ZBTB20: variants seen among roughly 807,000 people sequenced by gnomAD.
The protein encoded by ZBTB20 is zinc finger and BTB domain containing 20.
ZBTB20 carries 9 observed loss-of-function variants against 56.9 expected under a neutral mutation model. The ratio of observed to expected loss-of-function variants is 0.16; its 90% confidence interval spans 0.10 to 0.28. The LOEUF is 0.28. Among genes scored for constraint, ZBTB20 ranks in the 10% least tolerant of loss-of-function variants. The pLI, the probability that ZBTB20 is intolerant of heterozygous loss-of-function variation, is 1.00. For missense variants in ZBTB20, 655 were observed against 1,003.0 expected (o/e 0.65, Z 4.69); for synonymous variants, 417 against 420.7 (o/e 0.99, Z 0.11).
At chr3:114,816,158 C>T (rs1399768085) in intron 4 of ZBTB20, among the ~76,000 whole-genome samples, 10 of 152,140 alleles carry the variant, frequency 6.6e-5, no homozygotes, top group African/African-American at 1.7e-4. Flanking sequence ...ACAAAGTGGG[C>T]TCTGTTATAT....
At chr3:114,864,806 A>G (rs2075694671) in intron 4 of ZBTB20, among the ~76,000 whole-genome samples, 1 of 152,092 alleles carries the variant, frequency 6.6e-6, no homozygotes. Flanking sequence ...AATATATGCA[A>G]TTGGCTTACA....
chr3:114,668,280 G>C (rs1233884332), intron 6 of ZBTB20, among the ~76,000 whole-genome samples: 2 of 151,878 alleles, frequency 1.3e-5, no homozygotes, highest in Non-Finnish European at 2.9e-5. Flanking sequence ...TATGACGTTG[G>C]GCAAGCCACT....
At chr3:114,822,045 T>A (rs932203845) in intron 4 of ZBTB20, among the ~76,000 whole-genome samples, 4 of 152,082 alleles carry the variant, frequency 2.6e-5, no homozygotes, top group African/African-American at 9.7e-5. Context: ...GAAAAAAATC[T>A]CAGAAATATG....
intron 2 of ZBTB20, among the ~76,000 whole-genome samples, chr3:115,051,776 T>C (rs1396268955): frequency 6.6e-6 from 1 of 152,180 alleles, no homozygotes; most frequent in Non-Finnish European, 1.5e-5. Flanking sequence ...CTACCTCTGA[T>C]TGGGTAGTTT....
chr3:114,958,616 G>C (rs2077331818), intron 3 of ZBTB20, among the ~76,000 whole-genome samples: 2 of 152,152 alleles, frequency 1.3e-5, no homozygotes, highest in African/African-American at 4.8e-5. Context: ...GGGAGGCCAA[G>C]GCGAGCAGAT....
intron 2 of ZBTB20, among the ~76,000 whole-genome samples, chr3:115,036,446 T>A (rs2108369378): frequency 6.6e-6 from 1 of 151,792 alleles, no homozygotes; most frequent in Non-Finnish European, 1.5e-5. Context: ...ACTACAGTCT[T>A]GCTCTGTCAC....
In ZBTB20 at chr3:115,051,995, C is replaced by A. The variant is rs991646159; in HGVS notation, c.-507+19224G>T. Among the ~76,000 whole-genome samples, 32 of 151,876 alleles carry A rather than the reference C, an allele frequency of 2.1e-4. 1 individual carries two copies. Among genetic ancestry groups the A allele is most frequent in the Admixed American group, 1.6e-3 (24 of 15,246 alleles). Reference sequence around the variant, plus strand: ...CACTCACTATCATGAGAACAGCAAGCGGGAAATTTGCACCCATGATCTGAT... The same window carrying A: ...CACTCACTATCATGAGAACAGCAAGAGGGAAATTTGCACCCATGATCTGAT... On this transcript the variant is annotated intron_variant, in intron 2 of 11. Coordinates refer to ENST00000675478, the MANE Select transcript of ZBTB20 (RefSeq NM_001348800.3).
chr3:114,965,444 T>A (rs1444756349), intron 3 of ZBTB20, among the ~76,000 whole-genome samples: 1 of 152,090 alleles, frequency 6.6e-6, no homozygotes, highest in Admixed American at 6.6e-5. Flanking sequence ...AGCTCCCCAG[T>A]CTCTCATCCC....
chr3:114,696,825 AAGAG>A (rs2063057938), intron 5 of ZBTB20, among the ~76,000 whole-genome samples: 1 of 152,028 alleles, frequency 6.6e-6, no homozygotes, highest in Non-Finnish European at 1.5e-5. Flanking sequence ...GAGAGAGAGA[AAGAG>A]AGAGATTTAT....
chr3:115,089,524 T>C (rs933900999), intron 1 of ZBTB20, among the ~76,000 whole-genome samples: 2 of 151,868 alleles, frequency 1.3e-5, no homozygotes, highest in African/African-American at 2.4e-5. Flanking sequence ...ACAATTATGA[T>C]AGCATGTCAG....
At chr3:114,384,184 C>G (rs1318961279) in intron 8 of ZBTB20, among the ~76,000 whole-genome samples, 1 of 148,346 alleles carries the variant, frequency 6.7e-6, no homozygotes, top group African/African-American at 2.6e-5. Context: ...CCCCTTCCTC[C>G]TCTCTCTCTG....
intron 8 of ZBTB20, chr3:114,387,871 AC>A (rs991856212): frequency 6.6e-5 from 10 of 152,216 alleles, no homozygotes. Flanking sequence ...GTACTATAGA[AC>A]ACATTCCCCT....
chr3:114,583,683 C>T (rs564151443), intron 6 of ZBTB20, among the ~76,000 whole-genome samples: 2 of 152,244 alleles, frequency 1.3e-5, no homozygotes, highest in South Asian at 2.1e-4. Flanking sequence ...AGGTTCCTTA[C>T]CCTATGCAAA....
intron 7 of ZBTB20, among the ~76,000 whole-genome samples, chr3:114,493,826 G>A (rs1009936787): frequency 3.9e-5 from 6 of 152,150 alleles, no homozygotes; most frequent in African/African-American, 1.4e-4. Context: ...CATTTGCTTA[G>A]TATCTGTCTT....
At chr3:114,356,341 G>A (rs181236770) in intron 10 of ZBTB20, among the ~76,000 whole-genome samples, 7 of 152,262 alleles carry the variant, frequency 4.6e-5, no homozygotes. Flanking sequence ...AAGAGAAAAT[G>A]AGCAAGAAAG....
chr3:114,365,664 G>A (rs1307007627), intron 10 of ZBTB20, among the ~76,000 whole-genome samples: 1 of 152,184 alleles, frequency 6.6e-6, no homozygotes, highest in Non-Finnish European at 1.5e-5. Context: ...GGAGGTGGGA[G>A]TGGGAAAACC....
chr3:114,600,846 C>G (rs1346377714), intron 6 of ZBTB20, among the ~76,000 whole-genome samples: 3 of 151,990 alleles, frequency 2.0e-5, no homozygotes, highest in Admixed American at 1.3e-4. Context: ...TATCATGTTA[C>G]TAACTGAGGC....
At chr3:114,647,122 C>A (rs60561320) in intron 6 of ZBTB20, among the ~76,000 whole-genome samples, 110 of 152,134 alleles carry the variant, frequency 7.2e-4, no homozygotes, top group African/African-American at 2.6e-3. Flanking sequence ...CCACGCCCAG[C>A]TAATTTTTTG....
At chr3:114,463,256 T>C (rs1343573860) in intron 7 of ZBTB20, among the ~76,000 whole-genome samples, 1 of 152,224 alleles carries the variant, frequency 6.6e-6, no homozygotes, top group Non-Finnish European at 1.5e-5. Context: ...GTTGTTATTA[T>C]TTACTCTTTA....
Sources: allele counts gnomAD v4.1 joint callset (sites outside exome capture counted in the v4.1 genomes callset), GRCh38; gene constraint gnomAD v4.1.1; transcripts MANE v1.5; gene names NCBI Gene and HGNC (gene_info 2026-07-23, HGNC 2026-07-21).